CMYA5: variants seen among roughly 807,000 people sequenced by gnomAD.
CMYA5 encodes cardiomyopathy associated 5.
CMYA5 carries 246 observed loss-of-function variants against 318.9 expected under a neutral mutation model. The observed-to-expected ratio is 0.77, with a 90% CI of 0.70 to 0.86. The LOEUF (loss-of-function observed/expected upper bound fraction) is 0.86, where lower values mean the gene tolerates loss of function less well. CMYA5 is among the 40% of genes least tolerant of loss of function. The pLI, the probability that CMYA5 is intolerant of heterozygous loss-of-function variation, is 0.00. For missense variants in CMYA5, 4,589 were observed against 4,678.2 expected (o/e 0.98, Z 0.56); for synonymous variants, 1,641 against 1,729.5 (o/e 0.95, Z 1.27).
At chr5:79,720,738 A>G (rs551587638) in intron 1 of CMYA5, among the ~76,000 whole-genome samples, 1 of 152,236 alleles carries the variant, frequency 6.6e-6, no homozygotes, top group African/African-American at 2.4e-5. Context: ...GCCTGGCCCA[A>G]TCTAGAATTT....
chr5:79,789,120 C>T lies in CMYA5; in HGVS notation c.11689+16C>T, dbSNP rs1183264938. ...TCCACCAGAGGTACTTTCTCCTTTG[C>T]ACACAGTGAGCTATTTCCAAGCTAT... On this transcript the variant is annotated intron_variant, in intron 10 of 12. Coordinates refer to ENST00000446378, the MANE Select transcript of CMYA5 (RefSeq NM_153610.5). The T allele has an allele frequency of 1.9e-6, 3 of 1,613,216 alleles. No homozygotes were observed. The South Asian group carries it at 3.3e-5, about 18-fold the overall frequency.
Position 79,738,887 on chromosome 5 carries a change from A to G in CMYA5, c.10122A>G (p.Pro3374=). 2 of 1,613,960 alleles carry G rather than the reference A, an allele frequency of 1.2e-6. No homozygotes were observed. The highest frequency in any genetic ancestry group is 1.7e-6 in the Non-Finnish European group (2 of 1,179,870). The change falls in exon 2 of 13, where the codon CCA becomes CCG. Residue 3374 remains proline, a synonymous_variant. Coordinates refer to ENST00000446378, the MANE Select transcript of CMYA5 (RefSeq NM_153610.5). ...NASPEVNLNV[P]VQVSFPEEEF... ...GTCCAGAGGTCAATCTGAATGTCCC[A>G]GTACAAGTGTCCTTCCCGGAGGAAG...
Position 79,731,063 on chromosome 5 carries a change from G to C in CMYA5, c.2298G>C (p.Gln766His), listed in dbSNP as rs747914795. The change falls in exon 2 of 13, where the codon CAG becomes CAC. Residue 766 changes from glutamine to histidine, a missense_variant. Physicochemically the swap from Gln to His is conservative, Grantham distance 24 (BLOSUM62 0). Coordinates refer to ENST00000446378, the MANE Select transcript of CMYA5 (RefSeq NM_153610.5). The stretch of plus-strand genomic sequence containing the variant: ...CAACCGAAAAGACTTCTGAATGCCA[G>C]TCACCACTGCCTTCTACTGCCACAT... ...PSTTEKTSEC[Q>H]SPLPSTATSE... 3.7e-6 allele frequency: 6 copies of C among 1,614,010 alleles called. No homozygotes were observed. Among genetic ancestry groups the C allele is most frequent in the Non-Finnish European group, 4.2e-6 (5 of 1,179,904 alleles).
intron 2 of CMYA5, among the ~76,000 whole-genome samples, chr5:79,741,069 G>T (rs72635620): frequency 1.3e-5 from 2 of 151,934 alleles, no homozygotes; most frequent in Non-Finnish European, 2.9e-5. Context: ...GTACAGACAG[G>T]GTCTCCCTGT....
intron 4 of CMYA5, 131 bp downstream of exon 4, chr5:79,745,586 A>C (rs757947933): frequency 1.7e-5 from 12 of 701,890 alleles, no homozygotes; most frequent in Non-Finnish European, 2.6e-5. Flanking sequence ...TCTGGCATTT[A>C]AACATTATTT....
intron 1 of CMYA5, among the ~76,000 whole-genome samples, chr5:79,697,895 T>G (rs1827101778): frequency 6.6e-6 from 1 of 152,222 alleles, no homozygotes; most frequent in South Asian, 2.1e-4. Flanking sequence ...GACTAGCATC[T>G]TAGCAATATT....
Position 79,731,107 on chromosome 5 carries a change from CAGA to C in CMYA5, c.2345_2347del (p.Glu782del), listed in dbSNP as rs748231492. Reference sequence around the variant, plus strand: ...GCCACATCAGAACACGTGGTCCCATCAGAAGGAGAGGACCTAGGAAGTGAACGT... The same window carrying C: ...GCCACATCAGAACACGTGGTCCCATCAGGAGAGGACCTAGGAAGTGAACGT... On this transcript the variant is annotated inframe_deletion, in exon 2 of 13. Coordinates refer to ENST00000446378, the MANE Select transcript of CMYA5 (RefSeq NM_153610.5). 7.4e-6 allele frequency: 12 copies of C among 1,613,878 alleles called. No individual in the cohort carries two copies. In the Admixed American group the frequency reaches 8.3e-5, roughly 11 times the overall value.
Position 79,734,199 on chromosome 5 carries a change from A to AT in CMYA5, c.5436dup (p.Ala1813CysfsTer4). 1 of 1,613,840 alleles carries AT rather than the reference A, an allele frequency of 6.2e-7. No homozygotes were observed. The highest frequency in any genetic ancestry group is 1.6e-4 in the Middle Eastern group (1 of 6,062). On this transcript the variant is annotated frameshift_variant, in exon 2 of 13. Coordinates refer to ENST00000446378, the MANE Select transcript of CMYA5 (RefSeq NM_153610.5). LOFTEE classifies it high-confidence loss of function. ...CCAGAGTATAACAGAACCATCAAAG[A>AT]TTGCTCCTTCTGACCTCCTTGTAGA... is the stretch of plus-strand genomic sequence containing the variant.
At chr5:79,750,290 TCTTC>T (rs1318008658) in intron 5 of CMYA5, among the ~76,000 whole-genome samples, 2 of 147,458 alleles carry the variant, frequency 1.4e-5, no homozygotes, top group East Asian at 1.9e-4. Context: ...GTGTATTTTC[TCTTC>T]CTTATGGTTT....
chr5:79,711,897 G>A (rs1048364455), intron 1 of CMYA5, among the ~76,000 whole-genome samples: 7 of 152,166 alleles, frequency 4.6e-5, no homozygotes, highest in Non-Finnish European at 1.0e-4. Flanking sequence ...GAACGTGTAT[G>A]GTTGTTTTTC....
intron 1 of CMYA5, among the ~76,000 whole-genome samples, chr5:79,690,825 T>A (rs1826957845): frequency 1.3e-5 from 2 of 152,212 alleles, no homozygotes; most frequent in South Asian, 4.1e-4. Flanking sequence ...TTCCTCAGTC[T>A]GTTCATAACA....
chr5:79,738,420 T>C lies in CMYA5; in HGVS notation c.9655T>C (p.Ser3219Pro). The stretch of plus-strand genomic sequence containing the variant: ...AGCTTCTGAAGGTGACAGTGTGAAT[T>C]CTGAGGCATCATTTCCCAGCAGAAA... ...ETASEGDSVN[S>P]EASFPSRNSD... Residue 3219 changes from serine to proline, a missense_variant, in exon 2 of 13, where the codon TCT (serine) becomes CCT (proline). Physicochemically the swap from Ser to Pro is moderately conservative, Grantham distance 74 (BLOSUM62 -1). This residue lies in a region of CMYA5 where 2,431 missense variants were observed against 2,495.1 expected (regional missense o/e 0.97). Coordinates refer to ENST00000446378, the MANE Select transcript of CMYA5 (RefSeq NM_153610.5). 1 of 1,613,762 alleles carries C rather than the reference T, an allele frequency of 6.2e-7. No individual in the cohort carries two copies. The highest frequency in any genetic ancestry group is 1.1e-5 in the South Asian group (1 of 91,050).
rs556470495 is a variant in CMYA5 at position 79,723,653 on chromosome 5, G to A, written c.150-5262G>A. ...GGGGCACACCTATACTTGCAGGTAC[G>A]TGGGATGCTGAGGAGAGAGGATTGC... On this transcript the variant is annotated intron_variant, in intron 1 of 12. Transcript: ENST00000446378. 4.6e-5 allele frequency among the ~76,000 whole-genome samples: 7 copies of A among 151,438 alleles called. No homozygotes were observed. The East Asian group carries it at 1.2e-3, about 25-fold the overall frequency.
In CMYA5 at chr5:79,729,523, T is replaced by C. The variant is rs1580764950; in HGVS notation, c.758T>C (p.Val253Ala). 6 of 1,612,272 alleles carry C rather than the reference T, an allele frequency of 3.7e-6. No individual in the cohort carries two copies. The highest frequency in any genetic ancestry group is 5.1e-6 in the Non-Finnish European group (6 of 1,178,812). The change falls in exon 2 of 13, where the codon GTA becomes GCA. Residue 253 changes from valine (V) to alanine (A), a missense_variant. Physicochemically the swap from Val to Ala is moderately conservative, Grantham distance 64 (BLOSUM62 0). Coordinates refer to ENST00000446378, the MANE Select transcript of CMYA5 (RefSeq NM_153610.5). ...QFYGTLPKGYVIKEIHYRKGK... is the reference protein window; with the variant it reads ...QFYGTLPKGYAIKEIHYRKGK... ...TATGGAACATTGCCAAAGGGTTATG[T>C]AATTAAAGAAATACATTATAGGAAA...
At chr5:79,759,899 T>G (rs1411197734) in intron 7 of CMYA5, among the ~76,000 whole-genome samples, 3 of 152,176 alleles carry the variant, frequency 2.0e-5, no homozygotes, top group East Asian at 3.8e-4. Flanking sequence ...GACTCCTGTT[T>G]TATTGACCTA....
intron 3 of CMYA5, among the ~76,000 whole-genome samples, chr5:79,744,385 A>G (rs113815606): frequency 1.6e-3 from 247 of 152,290 alleles, no homozygotes; most frequent in African/African-American, 5.6e-3. Flanking sequence ...TAGCACGACT[A>G]TCTCTGATGA....
At chr5:79,728,519 TG>T (rs1827797144) in intron 1 of CMYA5, among the ~76,000 whole-genome samples, 2 of 152,024 alleles carry the variant, frequency 1.3e-5, no homozygotes, top group African/African-American at 4.8e-5. Context: ...GGTGAAAAGC[TG>T]GGTGAGGTGG....
chr5:79,708,394 G>A (rs1827315363), intron 1 of CMYA5, among the ~76,000 whole-genome samples: 1 of 151,958 alleles, frequency 6.6e-6, no homozygotes, highest in Admixed American at 6.6e-5. Context: ...GGCCGAGGCA[G>A]GCAGATCACG....
intron 1 of CMYA5, among the ~76,000 whole-genome samples, chr5:79,706,028 A>G (rs1456545663): frequency 6.6e-6 from 1 of 152,188 alleles, no homozygotes; most frequent in Non-Finnish European, 1.5e-5. Context: ...AGCAGCCCGC[A>G]ATGCAACAGG....
Sources: allele counts gnomAD v4.1 joint callset (sites outside exome capture counted in the v4.1 genomes callset), GRCh38; gene constraint gnomAD v4.1.1; regional missense constraint gnomAD v4.1.1; transcripts MANE v1.5; gene names NCBI Gene and HGNC (gene_info 2026-07-23, HGNC 2026-07-21).